AP3B2: variants seen among roughly 807,000 people sequenced by gnomAD.
AP3B2 encodes the protein AP-3 complex subunit beta-2.
A neutral mutation model predicts 126.9 loss-of-function variants in AP3B2; 50 were observed. That is an observed-to-expected ratio of 0.39 (90% CI 0.31 to 0.50). AP3B2 has a LOEUF of 0.50. Among genes scored for constraint, AP3B2 ranks in the 20% least tolerant of loss-of-function variants. The pLI, the probability that AP3B2 is intolerant of heterozygous loss-of-function variation, is 0.79. For synonymous variants in AP3B2, 541 were observed against 565.0 expected (o/e 0.96, Z 0.60); for missense variants, 1,177 against 1,426.4 (o/e 0.83, Z 2.82).
chr15:82,662,428 C>T (rs774198581), intron 23 of AP3B2, 176 bp from the exon 24 acceptor site: 2 of 657,160 alleles, frequency 3.0e-6, no homozygotes, highest in African/African-American at 1.8e-5. Flanking sequence ...CTCTAAGCAC[C>T]CTTTCCCCCA....
intron 1 of AP3B2, among the ~76,000 whole-genome samples, chr15:82,690,778 C>T (rs1400724245): frequency 4.0e-5 from 6 of 150,936 alleles, no homozygotes; most frequent in Admixed American, 1.3e-4. Flanking sequence ...CTCAGCCTAC[C>T]GAGTAGCTGG....
chr15:82,663,499 C>T, intron 21 of AP3B2, 61 bp downstream of exon 21: 2 of 1,558,218 alleles, frequency 1.3e-6, no homozygotes, highest in South Asian at 1.1e-5. Context: ...TCCCTATGGG[C>T]TGTTCTAATT....
Position 82,659,910 on chromosome 15 carries a change from C to G in AP3B2, c.3090G>C (p.Val1030=), listed in dbSNP as rs370335674. ...TGGCAGTGGCAGTCACTTTCTGCACCACAATGTGGTCACTCCGACAGGTGT... is the reference window on the plus strand; with the variant it reads ...TGGCAGTGGCAGTCACTTTCTGCACGACAATGTGGTCACTCCGACAGGTGT... ...LPDTCRSDHI[V]VQKVTATANL... is the part of the protein sequence containing the mutation. Residue 1030 remains valine (V), a synonymous_variant, in exon 26 of 27, where the codon GTG becomes GTC. Transcript: ENST00000535359. 1.5e-5 allele frequency: 24 copies of G among 1,613,814 alleles called. No individual in the cohort carries two copies. Among genetic ancestry groups the G allele is most frequent in the Middle Eastern group, 1.6e-4 (1 of 6,084 alleles).
chr15:82,689,250 G>A lies in AP3B2; in HGVS notation c.190-18C>T. On this transcript the variant is annotated intron_variant, in intron 2 of 26. Transcript: ENST00000535359. ...GCAATCATCTGGGTGGTGGGGTCAA[G>A]GTAGGGGAAGAGGGACAAAGCGAGA... is the stretch of plus-strand genomic sequence containing the variant. The A allele has an allele frequency of 6.2e-7, 1 of 1,613,984 alleles. No homozygotes were observed. The highest frequency in any genetic ancestry group is 8.5e-7 in the Non-Finnish European group (1 of 1,179,868).
rs576613359 is a variant in AP3B2 at position 82,684,127 on chromosome 15, C to T, written c.361-2547G>A. 1.3e-4 allele frequency among the ~76,000 whole-genome samples: 20 copies of T among 152,304 alleles called. No individual in the cohort carries two copies. In the East Asian group the frequency reaches 2.9e-3, roughly 22 times the overall value. ...CTTAAAGTCACTAGCTGCATTGGCCCCTAACAAGAGCCAGCCTGTTTTTTA... is the reference window on the plus strand; with the variant it reads ...CTTAAAGTCACTAGCTGCATTGGCCTCTAACAAGAGCCAGCCTGTTTTTTA... On this transcript the variant is annotated intron_variant, in intron 4 of 26. Coordinates refer to ENST00000535359, the MANE Select transcript of AP3B2 (RefSeq NM_001278512.2).
At chr15:82,661,232 C>G (rs562899318) in intron 25 of AP3B2, among the ~76,000 whole-genome samples, 40 of 152,312 alleles carry the variant, frequency 2.6e-4, no homozygotes, top group African/African-American at 8.7e-4. Flanking sequence ...ATGTTCATGA[C>G]TCCAGCTTCA....
chr15:82,706,634 T>A (rs373633446), intron 1 of AP3B2, among the ~76,000 whole-genome samples: 1 of 152,108 alleles, frequency 6.6e-6, no homozygotes, highest in Admixed American at 6.6e-5. Context: ...ACTCCCCCAA[T>A]GAAACTTACA....
intron 10 of AP3B2, 54 bp from the exon 11 acceptor site, chr15:82,678,221 T>C: frequency 1.3e-6 from 2 of 1,527,742 alleles, no homozygotes; most frequent in Non-Finnish European, 1.8e-6. Flanking sequence ...GTGGACTTTC[T>C]GTGCTTTCAT....
At position 82,664,737 on chromosome 15, in the gene AP3B2, C is replaced by A; in HGVS notation, c.2137+98G>T. 1 of 1,039,862 alleles carries A rather than the reference C, an allele frequency of 9.6e-7. No homozygotes were observed. Among genetic ancestry groups the A allele is most frequent in the Admixed American group, 2.2e-5 (1 of 45,958 alleles). The allele number at this position is 1,039,862 out of a possible 1,614,324, so 64.4% of individuals were successfully genotyped here. On this transcript the variant is annotated intron_variant, in intron 18 of 26. Coordinates refer to ENST00000535359, the MANE Select transcript of AP3B2 (RefSeq NM_001278512.2). The surrounding 1 kb of genome is among the most constrained non-coding windows in gnomAD (Gnocchi z 4.5). ...CAAACAATTCACAAGCAGGTGCACA[C>A]CCCTAGACACACAACCATATACATA...
At chr15:82,666,981 C>T (rs756122529) in intron 14 of AP3B2, 48 bp from the exon 15 acceptor site, 162 of 1,559,190 alleles carry the variant, frequency 1.0e-4, no homozygotes, top group Non-Finnish European at 1.3e-4. Context: ...GATGGGGACA[C>T]AGGAGGCTCA....
intron 21 of AP3B2, 107 bp from the exon 22 acceptor site, chr15:82,663,340 C>A: frequency 9.6e-7 from 1 of 1,043,030 alleles, no homozygotes; most frequent in South Asian, 1.4e-5. Context: ...GACAGCGGGG[C>A]ACATGGCTGC....
At chr15:82,702,385 C>T (rs2048732031) in intron 1 of AP3B2, among the ~76,000 whole-genome samples, 1 of 152,206 alleles carries the variant, frequency 6.6e-6, no homozygotes, top group African/African-American at 2.4e-5. Context: ...CTTGTCAGGC[C>T]TCTGAGCCCA....
chr15:82,671,628 C>T (rs1187705569), intron 14 of AP3B2, among the ~76,000 whole-genome samples: 2 of 151,634 alleles, frequency 1.3e-5, no homozygotes, highest in African/African-American at 4.8e-5. Context: ...ATCTCAGCTA[C>T]TTGGGAGGCT....
At chr15:82,679,540 C>T (rs1281556145) in intron 10 of AP3B2, among the ~76,000 whole-genome samples, 189 bp downstream of exon 10, 1 of 152,176 alleles carries the variant, frequency 6.6e-6, no homozygotes, top group African/African-American at 2.4e-5. Context: ...AGGCAAAGAG[C>T]AGTTCCCTTC....
At chr15:82,662,657 G>T in intron 23 of AP3B2, 37 bp downstream of exon 23, 2 of 1,563,112 alleles carry the variant, frequency 1.3e-6, no homozygotes, top group Non-Finnish European at 1.7e-6. Flanking sequence ...CTCTGCCCAG[G>T]AGCCTCCTCC....
At chr15:82,674,321 C>T (rs2048208006) in intron 14 of AP3B2, among the ~76,000 whole-genome samples, 1 of 152,168 alleles carries the variant, frequency 6.6e-6, no homozygotes, top group African/African-American at 2.4e-5. Flanking sequence ...TTTACCACTC[C>T]CAGAAGAGGC....
intron 1 of AP3B2, among the ~76,000 whole-genome samples, chr15:82,701,966 C>T (rs1451514103): frequency 6.6e-6 from 1 of 152,140 alleles, no homozygotes; most frequent in African/African-American, 2.4e-5. Flanking sequence ...CTGACCACTC[C>T]CTCCTTCTTG....
At chr15:82,705,244 C>A (rs2048778606) in intron 1 of AP3B2, among the ~76,000 whole-genome samples, 1 of 152,104 alleles carries the variant, frequency 6.6e-6, no homozygotes, top group Non-Finnish European at 1.5e-5. Context: ...ATATCCCATC[C>A]CCCAGCAGGC....
intron 4 of AP3B2, chr15:82,686,442 A>T (rs1412099680): frequency 6.6e-6 from 1 of 152,248 alleles, no homozygotes; most frequent in Non-Finnish European, 1.5e-5. Flanking sequence ...GTACGATGAC[A>T]CCATTTACAA....
Sources: gnomAD v4.1 joint callset for allele counts (sites outside exome capture counted in the v4.1 genomes callset) on GRCh38, gnomAD v4.1.1 for gene constraint, Gnocchi (gnomAD v3.1) non-coding constraint, MANE v1.5 for transcripts, NCBI Gene and HGNC (gene_info 2026-07-23, HGNC 2026-07-21) for gene names.